The following ZNF200 variants were observed in gnomAD, a reference collection of about 807,000 sequenced individuals.
The protein encoded by ZNF200 is zinc finger protein 200.
Under a neutral mutation model 33.6 loss-of-function variants are expected in ZNF200, and 35 were observed. The observed-to-expected ratio is 1.04, with a 90% confidence interval of 0.80 to 1.38. The LOEUF (loss-of-function observed/expected upper bound fraction) is 1.38, where lower values mean the gene tolerates loss of function less well. ZNF200 is among the 40% of genes most tolerant of loss of function. The pLI is 0.00. For missense variants in ZNF200, 592 were observed against 470.6 expected, an observed-to-expected ratio of 1.26 and a Z score of -2.39; for synonymous variants, 209 against 167.7, an observed-to-expected ratio of 1.25 and a Z score of -1.90.
Position 3,222,596 on chromosome 16 carries a change from G to A in ZNF200, c.*1296C>T, listed in dbSNP as rs1034755895. 6.6e-6 allele frequency: 1 copy of A among 152,148 alleles called. No individual in the cohort carries two copies. Among genetic ancestry groups the A allele is most frequent in the African/African-American group, 2.4e-5 (1 of 41,414 alleles). The allele number at this position is 152,148 out of a possible 1,614,324, so 9.4% of individuals were successfully genotyped here. On this transcript the variant is annotated 3_prime_UTR_variant, in exon 5 of 5. Transcript: ENST00000414144. Reference sequence around the variant, plus strand: ...AATAGAAAGGCATGTTTCTGGATGGGAAACATACACTATAATTTTTCCCAA... The same window carrying A: ...AATAGAAAGGCATGTTTCTGGATGGAAAACATACACTATAATTTTTCCCAA...
At chr16:3,233,340 T>C (rs1958695989) in intron 2 of ZNF200, among the ~76,000 whole-genome samples, 166 bp downstream of exon 2, 1 of 152,230 alleles carries the variant, frequency 6.6e-6, no homozygotes, top group Non-Finnish European at 1.5e-5. Context: ...TTCTGTGGCC[T>C]TACTCACACC....
In ZNF200 at chr16:3,224,450, T is replaced by C. The variant is rs772155931; in HGVS notation, c.630A>G (p.Pro210=). The part of the protein sequence containing the change: ...QEKERLNTSI[P]QKRKMRNLLV... ...ACAGATTTCTCATTTTCCTTTTTTG[T>C]GGAATGGATGTATTTAGTCGTTCCT... The change falls in exon 5 of 5, where the codon CCA becomes CCG. Residue 210 remains proline, a synonymous_variant. Transcript: ENST00000414144. 10 of 1,614,094 alleles carry C rather than the reference T, an allele frequency of 6.2e-6. No individual in the cohort carries two copies. The highest frequency in any genetic ancestry group is 1.3e-5 in the African/African-American group (1 of 74,930).
intron 4 of ZNF200, 102 bp downstream of exon 4, chr16:3,232,319 A>G: frequency 7.5e-7 from 1 of 1,325,914 alleles, no homozygotes; most frequent in Non-Finnish European, 1.0e-6. Flanking sequence ...GTGTGTGCAC[A>G]TAGGCTTACC....
At chr16:3,231,949 G>C (rs749125210) in intron 4 of ZNF200, among the ~76,000 whole-genome samples, 44 of 152,208 alleles carry the variant, frequency 2.9e-4, no homozygotes, top group South Asian at 8.3e-4. Flanking sequence ...ATTTGGACTA[G>C]TGCCTAGCAT....
rs1322708471 is a variant in ZNF200, at chr16:3,223,723, G to A, written c.*169C>T. The stretch of plus-strand genomic sequence containing the variant: ...GCCCTTGAAATGTTTTCTTCCCTGT[G>A]AATTTTCTAGCAATTTGAGGTTTTA... On this transcript the variant is annotated 3_prime_UTR_variant, in exon 5 of 5. Transcript: ENST00000414144. The A allele has an allele frequency of 1.9e-6, 2 of 1,055,152 alleles. No homozygotes were observed. The highest frequency in any genetic ancestry group is 2.7e-6 in the Non-Finnish European group (2 of 746,486). The allele number at this position is 1,055,152 out of a possible 1,614,324, so 65.4% of individuals were successfully genotyped here.
chr16:3,233,635 T>C lies in ZNF200; in HGVS notation c.121A>G (p.Thr41Ala). ...LLRDATNGPK[T>A]IHQLVLEHFL... ...TGCTCCAGCACTAGCTGGTGGATGG[T>C]CTTGGGCCCGTTAGTGGCATCTCGA... Residue 41 changes from threonine to alanine, a missense_variant, in exon 2 of 5, where the codon ACC (threonine) becomes GCC (alanine). By Grantham distance (58) the Thr-to-Ala change is moderately conservative (BLOSUM62 0). Coordinates refer to ENST00000414144, the MANE Select transcript of ZNF200 (RefSeq NM_198088.3). 2 of 1,613,936 alleles carry C rather than the reference T, an allele frequency of 1.2e-6. No homozygotes were observed. The highest frequency in any genetic ancestry group is 1.7e-6 in the Non-Finnish European group (2 of 1,179,972).
chr16:3,225,396 G>C (rs1337071712), intron 4 of ZNF200: 1 of 152,702 alleles, frequency 6.5e-6, no homozygotes. Flanking sequence ...AGTGAGCCGA[G>C]ATCGCGCCAT....
chr16:3,233,290 T>C (rs111373145), intron 2 of ZNF200, among the ~76,000 whole-genome samples: 245 of 152,342 alleles, frequency 1.6e-3, no homozygotes, highest in Middle Eastern at 6.8e-3. Flanking sequence ...CTCAGAATGT[T>C]TGGGTAAAAC....
At chr16:3,228,092 T>C (rs1476250219) in intron 4 of ZNF200, among the ~76,000 whole-genome samples, 2 of 152,186 alleles carry the variant, frequency 1.3e-5, no homozygotes, top group Admixed American at 1.3e-4. Context: ...AGCCTTGTTT[T>C]AAAGTTTCCT....
intron 4 of ZNF200, among the ~76,000 whole-genome samples, chr16:3,230,048 G>C (rs898329105): frequency 1.3e-5 from 2 of 152,202 alleles, no homozygotes; most frequent in Non-Finnish European, 2.9e-5. Flanking sequence ...AAAATAATAA[G>C]TGATTTCTCA....
chr16:3,227,758 CA>C (rs1314882155), intron 4 of ZNF200: 1 of 152,206 alleles, frequency 6.6e-6, no homozygotes, highest in East Asian at 1.9e-4. Flanking sequence ...GAGGCCTCCC[CA>C]GCCATGCTGA....
intron 4 of ZNF200, chr16:3,226,397 A>C (rs777272263): frequency 1.3e-5 from 2 of 152,148 alleles, no homozygotes; most frequent in African/African-American, 4.8e-5. Flanking sequence ...ATGAAATGTC[A>C]ATTTTTACCA....
In ZNF200 at chr16:3,233,394, TCC is replaced by T. The variant is rs1424737147; in HGVS notation, c.250+110_250+111del. On this transcript the variant is annotated intron_variant, in intron 2 of 4. Transcript: ENST00000414144. ...TCCTCTTTCCAACACTAGAATTGACTCCTTTTCCAATATACACCATCCTAACT... is the reference window on the plus strand; with the variant it reads ...TCCTCTTTCCAACACTAGAATTGACTTTTTCCAATATACACCATCCTAACT... The T allele has an allele frequency of 2.9e-6, 4 of 1,397,428 alleles. No homozygotes were observed. The Admixed American group carries it at 1.0e-4, about 37-fold the overall frequency. The allele number at this position is 1,397,428 out of a possible 1,614,324, so 86.6% of individuals were successfully genotyped here.
intron 2 of ZNF200, 44 bp downstream of exon 2, chr16:3,233,462 T>A (rs1567224817): frequency 6.7e-7 from 1 of 1,501,702 alleles, no homozygotes; most frequent in Non-Finnish European, 8.9e-7. Context: ...TAGACTCCAG[T>A]ACCTCCTCCT....
intron 1 of ZNF200, chr16:3,234,297 T>C (rs1440373110): frequency 6.6e-6 from 1 of 151,592 alleles, no homozygotes; most frequent in Non-Finnish European, 1.5e-5. Context: ...TCCCAGCTAC[T>C]GGGGAGCTGG....
rs376401632 is a variant in ZNF200, at chr16:3,233,842, G to A, written c.-81-6C>T. The A allele has an allele frequency of 1.3e-6, 2 of 1,513,804 alleles. No individual in the cohort carries two copies. Among genetic ancestry groups the A allele is most frequent in the Admixed American group, 2.2e-5 (1 of 45,362 alleles). The allele number at this position is 1,513,804 out of a possible 1,614,324, so 93.8% of individuals were successfully genotyped here. A position where few individuals can be genotyped will look rare whatever the true frequency, so the allele number is the denominator to read the frequency against. ...AAATCTGCCAGAGAGCCAAGCTGTA[G>A]ACAGAGAAACCAGGGATTACCCAAA... On this transcript the variant is annotated splice_polypyrimidine_tract_variant and splice_region_variant and intron_variant, in intron 1 of 4. Transcript: ENST00000414144.
intron 1 of ZNF200, 125 bp from the exon 2 acceptor site, chr16:3,233,961 A>T: frequency 1.5e-6 from 1 of 649,912 alleles, no homozygotes; most frequent in Non-Finnish European, 2.4e-6. Context: ...TAGGGAAATC[A>T]TAACTGAAAC....
In ZNF200 at chr16:3,235,024, G is replaced by T. The variant is rs900660901; in HGVS notation, c.-119C>A. ...CTGCAGCCCCTGAGCGTTTGCTGGG[G>T]ACGGCTCAGAGACTCAGGCTCCGGG... On this transcript the variant is annotated 5_prime_UTR_variant, in exon 1 of 5. Transcript: ENST00000414144. The T allele has an allele frequency of 6.6e-6, 1 of 152,246 alleles. No individual in the cohort carries two copies. The highest frequency in any genetic ancestry group is 1.5e-5 in the Non-Finnish European group (1 of 68,074). 9.4% of individuals were successfully genotyped at this position (152,246 alleles called of 1,614,324 possible). A position where few individuals can be genotyped will look rare whatever the true frequency, so the allele number is the denominator to read the frequency against.
At chr16:3,229,117 T>C (rs1313397649) in intron 4 of ZNF200, among the ~76,000 whole-genome samples, 2 of 152,162 alleles carry the variant, frequency 1.3e-5, no homozygotes, top group African/African-American at 4.8e-5. Context: ...ATAAAATATA[T>C]GGTAGGATAT....
Sources: gnomAD v4.1 joint callset for allele counts (sites outside exome capture counted in the v4.1 genomes callset) on GRCh38, gnomAD v4.1.1 for gene constraint, MANE v1.5 for transcripts, NCBI Gene and HGNC (gene_info 2026-07-23, HGNC 2026-07-21) for gene names.